Variants in MSH6 observed in about 807,000 individuals in gnomAD.
MSH6 encodes DNA mismatch repair protein Msh6.
Under a neutral mutation model 119.1 loss-of-function variants are expected in MSH6, and 85 were observed. The observed-to-expected ratio is 0.71, with a 90% CI of 0.60 to 0.85. The LOEUF is 0.85. MSH6 is among the 40% of genes least tolerant of loss of function. The pLI is 0.00. For missense variants in MSH6, 2,163 were observed against 1,655.3 expected (o/e 1.31, Z -5.32); for synonymous variants, 830 against 586.9 (o/e 1.41, Z -5.99).
chr2:47,789,775 T>C (rs919072535), intron 1 of MSH6, among the ~76,000 whole-genome samples: 2 of 152,202 alleles, frequency 1.3e-5, no homozygotes, highest in Non-Finnish European at 2.9e-5. Flanking sequence ...CCTAATAGAA[T>C]GTAAATGCTT....
chr2:47,792,762 G>A (rs1668817502), intron 2 of MSH6, among the ~76,000 whole-genome samples: 1 of 151,874 alleles, frequency 6.6e-6, no homozygotes, highest in South Asian at 2.1e-4. Context: ...GAACTCCTGG[G>A]CTCAAGTGAT....
intron 1 of MSH6, 65 bp downstream of exon 1, chr2:47,783,558 G>C (rs1382309495): frequency 7.2e-7 from 1 of 1,386,938 alleles, no homozygotes; most frequent in African/African-American, 1.5e-5. Context: ...ACCCGGCGAG[G>C]GGAGGCTCGC....
At chr2:47,809,980 ATC>A (rs1178966016), downstream of MSH6, 1 of 491,994 alleles carries the variant, frequency 2.0e-6, no homozygotes, top group Non-Finnish European at 3.6e-6. Context: ...CCATTTTAAC[ATC>A]TCTTTTTCTG....
At chr2:47,789,659 G>A (rs149518426) in intron 1 of MSH6, among the ~76,000 whole-genome samples, 135 of 152,290 alleles carry the variant, frequency 8.9e-4, no homozygotes, top group Non-Finnish European at 1.3e-3. Flanking sequence ...GGACCCCCCT[G>A]TGAATACCCA....
intron 2 of MSH6, among the ~76,000 whole-genome samples, chr2:47,793,933 C>T (rs1016849891): frequency 8.6e-5 from 13 of 151,888 alleles, no homozygotes; most frequent in Non-Finnish European, 1.3e-4. Context: ...GGTTTCACCA[C>T]GTTGTCCAGG....
At chr2:47,804,058 G>A (rs1329623597) in intron 5 of MSH6, among the ~76,000 whole-genome samples, 2 of 152,160 alleles carry the variant, frequency 1.3e-5, no homozygotes, top group Non-Finnish European at 2.9e-5. Context: ...AAATGCAAAT[G>A]AGGTAAGAAA....
Position 47,795,996 on chromosome 2 carries a change from A to G in MSH6, c.560A>G (p.Lys187Arg), listed in dbSNP as rs1553411459. 5 of 1,614,174 alleles carry G rather than the reference A, an allele frequency of 3.1e-6. No individual in the cohort carries two copies. Among genetic ancestry groups the G allele is most frequent in the African/African-American group, 2.7e-5 (2 of 75,044 alleles). Residue 187 changes from lysine to arginine, a missense_variant, in exon 3 of 10, where the codon AAG becomes AGG. Physicochemically the swap from Lys to Arg is conservative, Grantham distance 26 (BLOSUM62 2). Transcript: ENST00000234420. ...GCAGATGAAGCCTTAAATAAAGACA[A>G]GATTAAGAGGCTTGAATTGGCAGTT... ...QRADEALNKD[K>R]IKRLELAVCD...
In MSH6 at chr2:47,791,088, GC is replaced by G. The variant is rs1114167728; in HGVS notation, c.423del (p.Trp142GlyfsTer7). 6.2e-7 allele frequency: 1 copy of G among 1,614,208 alleles called. No homozygotes were observed. The highest frequency in any genetic ancestry group is 8.5e-7 in the Non-Finnish European group (1 of 1,180,038). ...TTTTTTGATGACAGCCCAACAAGGG[GC>G]TGGGTTAGCAAAAGGCTTTTAAAGC... The part of the protein sequence containing the change: ...VQFFDDSPTR[G>X]WVSKRLLKPY... On this transcript the variant is annotated frameshift_variant, in exon 2 of 10. Coordinates refer to ENST00000234420, the MANE Select transcript of MSH6 (RefSeq NM_000179.3). LOFTEE classifies it high-confidence loss of function.
In MSH6 at chr2:47,801,374, T is replaced by TG. The variant is rs1558384626; in HGVS notation, c.3172+219_3172+220insG. On this transcript the variant is annotated intron_variant, in intron 4 of 9. Transcript: ENST00000234420. ...GGCCTTTCTTCAGTTTTTTTTTTTT[T>TG]TTTTTTTTTTTTGAGACATGGTCTT... The TG allele has an allele frequency of 6.3e-6, 3 of 478,736 alleles. No homozygotes were observed. In the African/African-American group the frequency reaches 6.8e-5, roughly 11 times the overall value. The allele number at this position is 478,736 out of a possible 1,614,324, so 29.7% of individuals were successfully genotyped here.
At chr2:47,783,819 C>G in intron 1 of MSH6, 4 of 607,914 alleles carry the variant, frequency 6.6e-6, no homozygotes, top group Non-Finnish European at 8.1e-6. Context: ...GCGCGCAGCT[C>G]CGGGTGGGGA....
At position 47,806,915 on chromosome 2, in the gene MSH6, C is replaced by T; in HGVS notation, c.*55C>T. Reference sequence around the variant, plus strand: ...TTCTGACAAAGGTGGTAAATTCAGACAACATTATGATCTAATAAACTTTAT... The same window carrying T: ...TTCTGACAAAGGTGGTAAATTCAGATAACATTATGATCTAATAAACTTTAT... On this transcript the variant is annotated 3_prime_UTR_variant, in exon 10 of 10. Coordinates refer to ENST00000234420, the MANE Select transcript of MSH6 (RefSeq NM_000179.3). 3.1e-6 allele frequency: 4 copies of T among 1,270,430 alleles called. No individual in the cohort carries two copies. The highest frequency in any genetic ancestry group is 2.3e-5 in the East Asian group (1 of 43,274). 78.7% of individuals were successfully genotyped at this position (1,270,430 alleles called of 1,614,324 possible).
At position 47,799,422 on chromosome 2, in the gene MSH6, T is replaced by A. The variant is rs1244531716; in HGVS notation, c.1439T>A (p.Val480Glu). Residue 480 changes from valine to glutamate, a missense_variant, in exon 4 of 10, where the codon GTA (valine) becomes GAA (glutamate). By Grantham distance (121) the Val-to-Glu change is moderately radical (BLOSUM62 -2). Transcript: ENST00000234420. ...TCCCTGGTGCAGAAGGGCTATAAAG[T>A]AGCACGAGTGGAACAGACTGAGACT... is the stretch of plus-strand genomic sequence containing the variant. ...SDSLVQKGYK[V>E]ARVEQTETPE... 1 of 1,614,044 alleles carries A rather than the reference T, an allele frequency of 6.2e-7. No individual in the cohort carries two copies. The highest frequency in any genetic ancestry group is 1.3e-5 in the African/African-American group (1 of 74,990).
rs863224628 is a variant in MSH6, at chr2:47,783,274, C to T, written c.41C>T (p.Ser14Phe). The change falls in exon 1 of 10, where the codon TCT becomes TTT. Residue 14 changes from serine (S) to phenylalanine (F), a missense_variant. Ser to Phe is a radical substitution (Grantham distance 155). Coordinates refer to ENST00000234420, the MANE Select transcript of MSH6 (RefSeq NM_000179.3). Reference sequence around the variant, plus strand: ...ACCCTGTACAGCTTCTTCCCCAAGTCTCCGGCGCTGAGTGATGCCAACAAG... The same window carrying T: ...ACCCTGTACAGCTTCTTCCCCAAGTTTCCGGCGCTGAGTGATGCCAACAAG... ...QSTLYSFFPKSPALSDANKAS... is the reference protein window; with the variant it reads ...QSTLYSFFPKFPALSDANKAS... 2.0e-5 allele frequency: 32 copies of T among 1,612,246 alleles called. No individual in the cohort carries two copies. Among genetic ancestry groups the T allele is most frequent in the South Asian group, 1.2e-4 (11 of 91,002 alleles).
rs781019496 is a variant in MSH6 at position 47,799,696 on chromosome 2, T to C, written c.1713T>C (p.Gly571=). Residue 571 remains glycine, a synonymous_variant, in exon 4 of 10, where the codon GGT becomes GGC. Coordinates refer to ENST00000234420, the MANE Select transcript of MSH6 (RefSeq NM_000179.3). ...VDTSLGKFFI[G]QFSDDRHCSR... ...CTTCACTGGGAAAGTTTTTCATAGG[T>C]CAGTTTTCAGATGATCGCCATTGTT... 6.2e-7 allele frequency: 1 copy of C among 1,614,076 alleles called. No homozygotes were observed. The highest frequency in any genetic ancestry group is 1.3e-5 in the African/African-American group (1 of 74,926).
chr2:47,793,074 G>A (rs375962993), intron 2 of MSH6, among the ~76,000 whole-genome samples: 5 of 151,232 alleles, frequency 3.3e-5, no homozygotes, highest in African/African-American at 1.2e-4. Context: ...TAATCCCAGC[G>A]CTTTGGAAGG....
chr2:47,795,828 T>C, intron 2 of MSH6, 66 bp from the exon 3 acceptor site: 1 of 1,430,490 alleles, frequency 7.0e-7, no homozygotes, highest in South Asian at 1.2e-5. Flanking sequence ...GGTCTTGAAC[T>C]GCTGGGATTA....
At chr2:47,804,803 A>G in intron 5 of MSH6, 107 bp from the exon 6 acceptor site, 2 of 836,022 alleles carry the variant, frequency 2.4e-6, no homozygotes, top group Non-Finnish European at 4.2e-6. Context: ...TGATTGTGAA[A>G]GTTGTTTTAG....
At position 47,799,631 on chromosome 2, in the gene MSH6, T is replaced by C. The variant is rs1558662428; in HGVS notation, c.1648T>C (p.Ser550Pro). The stretch of plus-strand genomic sequence containing the variant: ...CCTCAAAGAAAAAGAGGAAGATTCT[T>C]CTGGCCATACTCGTGCATATGGTGT... ...LSLKEKEEDS[S>P]GHTRAYGVCF... Residue 550 changes from serine to proline, a missense_variant, in exon 4 of 10, where the codon TCT (serine) becomes CCT (proline). By Grantham distance (74) the Ser-to-Pro change is moderately conservative (BLOSUM62 -1). Transcript: ENST00000234420. 1 of 1,614,132 alleles carries C rather than the reference T, an allele frequency of 6.2e-7. No individual in the cohort carries two copies. Among genetic ancestry groups the C allele is most frequent in the Non-Finnish European group, 8.5e-7 (1 of 1,180,026 alleles).
At chr2:47,804,409 G>A (rs965063631) in intron 5 of MSH6, among the ~76,000 whole-genome samples, 6 of 152,100 alleles carry the variant, frequency 3.9e-5, no homozygotes, top group Admixed American at 6.6e-5. Flanking sequence ...GCTGGTCCCC[G>A]CTGCTCTCCT....
Sources: gnomAD v4.1 joint callset for allele counts (sites outside exome capture counted in the v4.1 genomes callset) on GRCh38, gnomAD v4.1.1 for gene constraint, MANE v1.5 for transcripts, NCBI Gene and HGNC (gene_info 2026-07-23, HGNC 2026-07-21) for gene names.